MFHAS1: variants seen among roughly 807,000 people sequenced by gnomAD.
MFHAS1 encodes the protein malignant fibrous histiocytoma-amplified sequence 1.
MFHAS1 carries 50 observed loss-of-function variants against 70.4 expected under a neutral mutation model. The ratio of observed to expected loss-of-function variants is 0.71; its 90% confidence interval spans 0.57 to 0.90. The LOEUF is 0.90. Among genes scored for constraint, MFHAS1 ranks in the 40% least tolerant of loss-of-function variants. The pLI is 0.00. For missense variants in MFHAS1, 1,795 were observed against 1,347.6 expected, an observed-to-expected ratio of 1.33 and a Z score of -5.20; for synonymous variants, 952 against 620.0, an observed-to-expected ratio of 1.54 and a Z score of -7.96.
intron 1 of MFHAS1, among the ~76,000 whole-genome samples, chr8:8,867,289 A>G (rs1174342095): frequency 1.3e-5 from 2 of 152,288 alleles, no homozygotes; most frequent in South Asian, 2.1e-4. Context: ...TTACATTTTT[A>G]TAACAAAAGT....
At chr8:8,853,297 T>C (rs935483591) in intron 1 of MFHAS1, among the ~76,000 whole-genome samples, 5 of 151,926 alleles carry the variant, frequency 3.3e-5, no homozygotes, top group Admixed American at 2.0e-4. Context: ...GGCGGCAAGC[T>C]CCTGTCCTAC....
chr8:8,794,889 T>C (rs1233470128), intron 2 of MFHAS1, among the ~76,000 whole-genome samples: 1 of 152,218 alleles, frequency 6.6e-6, no homozygotes, highest in Non-Finnish European at 1.5e-5. Context: ...CAATACGCTG[T>C]CGAGAGAGAG....
chr8:8,795,058 C>G (rs994783514), intron 2 of MFHAS1, among the ~76,000 whole-genome samples: 1 of 152,204 alleles, frequency 6.6e-6, no homozygotes, highest in Non-Finnish European at 1.5e-5. Context: ...TTCGACGGCA[C>G]TTGGCTATGG....
At chr8:8,833,048 G>C (rs1563195358) in intron 1 of MFHAS1, among the ~76,000 whole-genome samples, 1 of 152,148 alleles carries the variant, frequency 6.6e-6, no homozygotes, top group Non-Finnish European at 1.5e-5. Flanking sequence ...GGCAACGGGG[G>C]AGCAGGTGTC....
intron 2 of MFHAS1, among the ~76,000 whole-genome samples, chr8:8,793,438 G>A (rs1266698873): frequency 6.6e-6 from 1 of 152,144 alleles, no homozygotes; most frequent in Non-Finnish European, 1.5e-5. Context: ...AGCTTGGAAT[G>A]TCTTTTTAAA....
rs1463869016 is a variant in MFHAS1 at position 8,893,486 on chromosome 8, C to A, written c.-428G>T. The A allele has an allele frequency of 1.4e-5, 2 of 146,156 alleles. No individual in the cohort carries two copies. The highest frequency in any genetic ancestry group is 3.0e-5 in the Non-Finnish European group (2 of 65,686). The allele number at this position is 146,156 out of a possible 1,614,324, so 9.1% of individuals were successfully genotyped here. ...TCCTGGGGGAGGGCGGCGCTCGGCC[C>A]GGCGGCGGGCATGCTGCGGGCGCAG... On this transcript the variant is annotated 5_prime_UTR_variant, in exon 1 of 3. Coordinates refer to ENST00000276282, the MANE Select transcript of MFHAS1 (RefSeq NM_004225.3).
At chr8:8,876,056 A>C (rs1317784367) in intron 1 of MFHAS1, among the ~76,000 whole-genome samples, 1 of 152,230 alleles carries the variant, frequency 6.6e-6, no homozygotes, top group African/African-American at 2.4e-5. Context: ...GAATGGTGGA[A>C]ACAGCAGCAA....
chr8:8,875,378 C>T (rs1809250756), intron 1 of MFHAS1, among the ~76,000 whole-genome samples: 1 of 152,108 alleles, frequency 6.6e-6, no homozygotes, highest in Admixed American at 6.6e-5. Context: ...ATTATGCAAG[C>T]ATTTTTAATT....
At chr8:8,874,318 T>C (rs1350438307) in intron 1 of MFHAS1, among the ~76,000 whole-genome samples, 2 of 146,284 alleles carry the variant, frequency 1.4e-5, no homozygotes, top group African/African-American at 5.2e-5. Context: ...TTGTAGGATA[T>C]ACTATAACAT....
chr8:8,889,721 C>G (rs1020369297), intron 1 of MFHAS1, among the ~76,000 whole-genome samples: 5 of 152,198 alleles, frequency 3.3e-5, no homozygotes, highest in African/African-American at 1.2e-4. Context: ...AGGCTAACAT[C>G]GGACACTGTC....
chr8:8,822,761 G>T (rs1807012801), intron 1 of MFHAS1, among the ~76,000 whole-genome samples: 1 of 147,570 alleles, frequency 6.8e-6, no homozygotes, highest in Non-Finnish European at 1.5e-5. Context: ...AAGTCAGGGG[G>T]ACTGAGATGG....
intron 1 of MFHAS1, among the ~76,000 whole-genome samples, chr8:8,831,050 G>A (rs888625472): frequency 6.6e-6 from 1 of 152,036 alleles, no homozygotes; most frequent in Non-Finnish European, 1.5e-5. Flanking sequence ...CAAGATCAGG[G>A]TGCCTGCATG....
chr8:8,829,659 C>T (rs908439362), intron 1 of MFHAS1, among the ~76,000 whole-genome samples: 45 of 152,214 alleles, frequency 3.0e-4, no homozygotes, highest in South Asian at 4.2e-4. Context: ...TCAGCCTGGG[C>T]GAAAGAGTGA....
intron 2 of MFHAS1, among the ~76,000 whole-genome samples, chr8:8,794,709 G>C (rs1805833593): frequency 6.6e-6 from 1 of 152,046 alleles, no homozygotes. Context: ...ATATTGCAAA[G>C]CTGTCATCCA....
At chr8:8,791,512 T>C (rs1221300685) in intron 2 of MFHAS1, among the ~76,000 whole-genome samples, 1 of 152,058 alleles carries the variant, frequency 6.6e-6, no homozygotes, top group Non-Finnish European at 1.5e-5. Flanking sequence ...TAAAGCTCTT[T>C]AGAAGGAGAA....
chr8:8,884,575 T>C (rs957210299), intron 1 of MFHAS1, among the ~76,000 whole-genome samples: 2 of 152,126 alleles, frequency 1.3e-5, no homozygotes, highest in Non-Finnish European at 1.5e-5. Context: ...GGAGGAACAC[T>C]GTGAGGGGGA....
At chr8:8,852,081 G>A (rs1222301761) in intron 1 of MFHAS1, among the ~76,000 whole-genome samples, 1 of 152,166 alleles carries the variant, frequency 6.6e-6, no homozygotes, top group East Asian at 1.9e-4. Context: ...CCCCTCTCCA[G>A]CACCATGGGA....
rs780197174 is a variant in MFHAS1, at chr8:8,891,932, G to A, written c.1127C>T (p.Pro376Leu). The A allele has an allele frequency of 6.2e-7, 1 of 1,611,228 alleles. No individual in the cohort carries two copies. The highest frequency in any genetic ancestry group is 8.5e-7 in the Non-Finnish European group (1 of 1,178,506). The change falls in exon 1 of 3, where the codon CCA becomes CTA. Residue 376 changes from proline (P) to leucine (L), a missense_variant. Pro to Leu is a moderately conservative substitution (Grantham distance 98). Coordinates refer to ENST00000276282, the MANE Select transcript of MFHAS1 (RefSeq NM_004225.3). The surrounding 1 kb of genome is among the most constrained non-coding windows in gnomAD (Gnocchi z 5.4). ...RVGLWKIKDNPLIQPPYEVCM... is the reference protein window; with the variant it reads ...RVGLWKIKDNLLIQPPYEVCM... ...GACCTCGTAGGGGGGCTGGATCAGT[G>A]GGTTGTCTTTGATCTTCCACAAACC...
At chr8:8,825,994 C>T (rs557308873) in intron 1 of MFHAS1, among the ~76,000 whole-genome samples, 2 of 152,158 alleles carry the variant, frequency 1.3e-5, no homozygotes, top group South Asian at 4.2e-4. Context: ...GTTAAATGAC[C>T]TGGTTCTGAG....
Sources: allele counts gnomAD v4.1 joint callset (sites outside exome capture counted in the v4.1 genomes callset), GRCh38; gene constraint gnomAD v4.1.1; non-coding constraint Gnocchi (gnomAD v3.1); transcripts MANE v1.5; gene names NCBI Gene and HGNC (gene_info 2026-07-23, HGNC 2026-07-21).